Variants in KAZN observed in about 807,000 individuals in gnomAD.
The protein encoded by KAZN is kazrin.
Under a neutral mutation model 87.4 loss-of-function variants are expected in KAZN, and 40 were observed. That is an observed-to-expected ratio of 0.46 (90% CI 0.36 to 0.60). The LOEUF is 0.60. Among genes scored for constraint, KAZN ranks in the 20% least tolerant of loss-of-function variants. The probability of loss-of-function intolerance (pLI) is 0.00; values close to 1 mark genes in which losing one functional copy is unlikely to be tolerated. For missense variants in KAZN, 898 were observed against 1,073.9 expected (o/e 0.84, Z 2.29); for synonymous variants, 466 against 458.3 (o/e 1.02, Z -0.22).
intron 2 of KAZN, among the ~76,000 whole-genome samples, chr1:14,501,121 AAATAAAT>A (rs1670224553): frequency 7.5e-6 from 1 of 132,822 alleles, no homozygotes; most frequent in Non-Finnish European, 1.7e-5. Context: ...ATAAATAAAT[AAATAAAT>A]AAAAATAATA....
chr1:14,027,382 A>AC (rs1188985441), intron 1 of KAZN, among the ~76,000 whole-genome samples: 2 of 152,002 alleles, frequency 1.3e-5, no homozygotes, highest in Non-Finnish European at 2.9e-5. Context: ...AGCTCCCTAA[A>AC]CCCCATGCCT....
intron 2 of KAZN, among the ~76,000 whole-genome samples, chr1:14,962,846 C>T (rs1210365459): frequency 3.9e-5 from 6 of 152,066 alleles, no homozygotes; most frequent in South Asian, 2.1e-4. Context: ...ACAGGGATGG[C>T]GGCGGCGGGA....
chr1:14,149,592 TTCATCGGTCACCACTACG>T (rs1302721224), intron 1 of KAZN, among the ~76,000 whole-genome samples: 1 of 152,120 alleles, frequency 6.6e-6, no homozygotes, highest in Non-Finnish European at 1.5e-5. Context: ...CCTGGGCGTT[TTCATCGGTCACCACTACG>T]TCATCTGATT....
At chr1:14,013,100 CCT>C (rs1362288134) in intron 1 of KAZN, among the ~76,000 whole-genome samples, 1 of 152,158 alleles carries the variant, frequency 6.6e-6, no homozygotes, top group African/African-American at 2.4e-5. Context: ...TCTGTGCACC[CCT>C]GAGTCCACTT....
chr1:14,861,933 G>C (rs1459781270), intron 1 of KAZN, among the ~76,000 whole-genome samples: 1 of 152,216 alleles, frequency 6.6e-6, no homozygotes, highest in African/African-American at 2.4e-5. Context: ...AACGGGATTG[G>C]TGGCATCATT....
rs1388659468 is a variant in KAZN at position 14,858,203 on chromosome 1, C to CTTTTTTTTTTTTTTT, written c.227-102476_227-102475insTTTTTTTTTTTTTTT. On this transcript the variant is annotated intron_variant, in intron 1 of 14. Transcript: ENST00000376030. ...ACATTTCTTTCTTTTTTTCTTTTTTCTTTTTCTTTTCTTTTTTTTTTTTTT... is the reference window on the plus strand; with the variant it reads ...ACATTTCTTTCTTTTTTTCTTTTTTCTTTTTTTTTTTTTTTTTTTTCTTTTCTTTTTTTTTTTTTT... Among the ~76,000 whole-genome samples, 83 of 95,096 alleles carry CTTTTTTTTTTTTTTT rather than the reference C, an allele frequency of 8.7e-4. 3 individuals are homozygous for CTTTTTTTTTTTTTTT. Among genetic ancestry groups the CTTTTTTTTTTTTTTT allele is most frequent in the African/African-American group, 4.0e-3 (75 of 18,904 alleles). 62.4% of individuals were successfully genotyped at this position (95,096 alleles called of 152,430 possible).
intron 2 of KAZN, among the ~76,000 whole-genome samples, chr1:14,540,823 A>G (rs901584837): frequency 9.2e-5 from 14 of 152,170 alleles, no homozygotes; most frequent in Non-Finnish European, 1.3e-4. Context: ...TGTCCTCTAC[A>G]TGTTAGTAAA....
chr1:14,795,596 A>G (rs1464936349), intron 1 of KAZN, among the ~76,000 whole-genome samples: 1 of 152,130 alleles, frequency 6.6e-6, no homozygotes, highest in Non-Finnish European at 1.5e-5. Context: ...CCCATCCATC[A>G]GAACCTGCAA....
At chr1:14,098,346 G>A (rs76242755) in intron 1 of KAZN, among the ~76,000 whole-genome samples, 6,510 of 151,048 alleles carry the variant, frequency 0.043, 420 homozygotes, top group African/African-American at 0.14. Context: ...GGGTTTTTTT[G>A]CCCTATGGTC....
intron 1 of KAZN, among the ~76,000 whole-genome samples, chr1:14,150,669 A>G: frequency 6.6e-6 from 1 of 152,176 alleles, no homozygotes; most frequent in Admixed American, 6.5e-5. Flanking sequence ...GTTGTAATCC[A>G]TGCCTGGAAA....
At chr1:14,872,673 T>C (rs1652268954) in intron 1 of KAZN, among the ~76,000 whole-genome samples, 1 of 152,166 alleles carries the variant, frequency 6.6e-6, no homozygotes, top group Admixed American at 6.5e-5. Context: ...CCCTTCACAT[T>C]TGAAGGATTA....
At chr1:14,753,716 C>T (rs1043531995) in intron 1 of KAZN, among the ~76,000 whole-genome samples, 6 of 152,332 alleles carry the variant, frequency 3.9e-5, no homozygotes, top group Admixed American at 2.0e-4. Flanking sequence ...TGAAGGACTG[C>T]AGGCCCCTAG....
chr1:14,927,958 CCTTGTCTTCATGGGTCCT>C (rs59054926), intron 1 of KAZN, among the ~76,000 whole-genome samples: 9,530 of 152,188 alleles, frequency 0.063, 904 homozygotes, highest in African/African-American at 0.21. Flanking sequence ...AAACAGGATG[CCTTGTCTTCATGGGTCCT>C]CCCAGCAACC....
chr1:14,610,227 A>T lies in KAZN; in HGVS notation c.226+11004A>T, dbSNP rs144780223. Among the ~76,000 whole-genome samples, 875 of 150,636 alleles carry T rather than the reference A, an allele frequency of 5.8e-3. 7 individuals are homozygous for T. Among genetic ancestry groups the T allele is most frequent in the African/African-American group, 0.02 (812 of 40,832 alleles). ...GTTTGTTTGTTTGTTTGTTTGTTTGAGACAGAGTCTCATTCTGTCACCCAG... is the reference window on the plus strand; with the variant it reads ...GTTTGTTTGTTTGTTTGTTTGTTTGTGACAGAGTCTCATTCTGTCACCCAG... On this transcript the variant is annotated intron_variant, in intron 1 of 14. Coordinates refer to ENST00000376030, the MANE Select transcript of KAZN (RefSeq NM_201628.3).
intron 1 of KAZN, among the ~76,000 whole-genome samples, chr1:14,606,095 A>G (rs934906662): frequency 6.6e-6 from 1 of 152,258 alleles, no homozygotes; most frequent in African/African-American, 2.4e-5. Context: ...GAAGTGACCA[A>G]GCTCTGGCTC....
At chr1:14,157,327 G>C (rs976036100) in intron 1 of KAZN, among the ~76,000 whole-genome samples, 6 of 152,130 alleles carry the variant, frequency 3.9e-5, no homozygotes, top group African/African-American at 9.7e-5. Context: ...GGTACTTACT[G>C]TTAGCAGTGA....
chr1:14,592,379 A>G lies in KAZN; in HGVS notation c.250-6604A>G, dbSNP rs115829549. 6.1e-3 allele frequency among the ~76,000 whole-genome samples: 935 copies of G among 152,288 alleles called. 7 individuals are homozygous for G. Among genetic ancestry groups the G allele is most frequent in the African/African-American group, 0.021 (863 of 41,542 alleles). ...GCATATACATATTTCACACGTGCTC[A>G]GTGTTTTCTGGGCATCTGGGTGTCT... On this transcript the variant is annotated intron_variant, in intron 2 of 16. Coordinates refer to the KAZN transcript ENST00000636203.
chr1:14,108,922 C>T (rs184979943), intron 1 of KAZN, among the ~76,000 whole-genome samples: 7 of 152,308 alleles, frequency 4.6e-5, no homozygotes, highest in Admixed American at 6.5e-5. Context: ...TGGGTCTGTG[C>T]TGCCTATGCC....
At chr1:14,429,753 C>T (rs188620154) in intron 2 of KAZN, among the ~76,000 whole-genome samples, 6 of 152,044 alleles carry the variant, frequency 3.9e-5, no homozygotes, top group Admixed American at 6.5e-5. Context: ...GAGATGTCAC[C>T]GTCGTCGTCG....
Sources: allele counts gnomAD v4.1 joint callset (sites outside exome capture counted in the v4.1 genomes callset), GRCh38; gene constraint gnomAD v4.1.1; transcripts MANE v1.5; gene names NCBI Gene and HGNC (gene_info 2026-07-23, HGNC 2026-07-21).